The following CABP7 variants were observed in gnomAD, a reference collection of about 807,000 sequenced individuals.
CABP7 encodes the protein calcium binding protein 7, also known as calcium-binding protein 7.
CABP7 carries 13 observed loss-of-function variants against 23.1 expected under a neutral mutation model. That is an observed-to-expected ratio of 0.56 (90% CI 0.37 to 0.90). CABP7 has a LOEUF of 0.90. CABP7 is among the 40% of genes least tolerant of loss of function. CABP7 has a pLI of 0.01. For missense variants in CABP7, 248 were observed against 295.6 expected, an observed-to-expected ratio of 0.84 and a Z score of 1.18; for synonymous variants, 123 against 115.3, an observed-to-expected ratio of 1.07 and a Z score of -0.43.
rs1381032699 is a variant in CABP7, at chr22:29,727,211, A to AAGGATCTAAGG, written c.110-449_110-439dup. Among the ~76,000 whole-genome samples the AAGGATCTAAGG allele has an allele frequency of 2.0e-5, 3 of 151,204 alleles. No homozygotes were observed. Among genetic ancestry groups the AAGGATCTAAGG allele is most frequent in the African/African-American group, 7.3e-5 (3 of 41,208 alleles). On this transcript the variant is annotated intron_variant, in intron 1 of 4. Coordinates refer to ENST00000216144, the MANE Select transcript of CABP7 (RefSeq NM_182527.3). The surrounding 1 kb of genome is among the most constrained non-coding windows in gnomAD (Gnocchi z 4.2). Reference sequence around the variant, plus strand: ...CCATTAGCAAGTGTTGGCCGGTGTTAAGGATCTAAGGATCCGAGCCTGGGG... The same window carrying AAGGATCTAAGG: ...CCATTAGCAAGTGTTGGCCGGTGTTAAGGATCTAAGGAGGATCTAAGGATCCGAGCCTGGGG...
intron 3 of CABP7, 148 bp downstream of exon 3, chr22:29,728,890 G>C (rs1025172723): frequency 4.0e-5 from 42 of 1,056,838 alleles, no homozygotes; most frequent in Non-Finnish European, 4.2e-6. Context: ...AGGGCCATGG[G>C]CTCCCTGGGG....
chr22:29,722,308 A>G (rs2067767310), intron 1 of CABP7, among the ~76,000 whole-genome samples: 2 of 152,218 alleles, frequency 1.3e-5, no homozygotes, highest in South Asian at 4.1e-4. Context: ...TGGGCAGTGC[A>G]GGGGCAAGGC....
At chr22:29,728,889 G>A (rs911934070) in intron 3 of CABP7, 147 bp downstream of exon 3, 2 of 1,054,902 alleles carry the variant, frequency 1.9e-6, no homozygotes, top group East Asian at 2.5e-5. Flanking sequence ...GAGGGCCATG[G>A]GCTCCCTGGG....
intron 1 of CABP7, among the ~76,000 whole-genome samples, chr22:29,725,573 G>A (rs1367412487): frequency 2.0e-5 from 3 of 152,218 alleles, no homozygotes; most frequent in Non-Finnish European, 4.4e-5. Context: ...GCCCATGCAA[G>A]GATGGGGCAA....
At position 29,720,728 on chromosome 22, in the gene CABP7, A is replaced by G. The variant is rs1024006227; in HGVS notation, c.109+195A>G. On this transcript the variant is annotated intron_variant, in intron 1 of 4. Transcript: ENST00000216144. The surrounding 1 kb of genome is among the most constrained non-coding windows in gnomAD (Gnocchi z 5.2). The stretch of plus-strand genomic sequence containing the variant: ...CGGGGCGCCGCGGTGGGGGTCGCTC[A>G]GGCGGAGAGCGGCCCAGCCCCTGCC... Among the ~76,000 whole-genome samples the G allele has an allele frequency of 6.6e-6, 1 of 151,424 alleles. No homozygotes were observed. Among genetic ancestry groups the G allele is most frequent in the Non-Finnish European group, 1.5e-5 (1 of 67,788 alleles).
intron 1 of CABP7, among the ~76,000 whole-genome samples, chr22:29,724,146 C>T (rs140069816): frequency 3.1e-4 from 47 of 152,340 alleles, no homozygotes; most frequent in Non-Finnish European, 3.2e-4. Flanking sequence ...GGCAGGAAAT[C>T]ACGACACCTG....
At chr22:29,728,927 G>T in intron 3 of CABP7, 128 bp from the exon 4 acceptor site, 1 of 1,283,586 alleles carries the variant, frequency 7.8e-7, no homozygotes, top group South Asian at 1.3e-5. Context: ...AGGACTCTCT[G>T]GGGGAATGGA....
At position 29,731,200 on chromosome 22, in the gene CABP7, T is replaced by TG. The variant is rs776032024; in HGVS notation, c.*1636dup. The TG allele has an allele frequency of 1.2e-5, 17 of 1,473,380 alleles. No homozygotes were observed. The East Asian group carries it at 4.1e-4, about 36-fold the overall frequency. The allele number at this position is 1,473,380 out of a possible 1,614,324, so 91.3% of individuals were successfully genotyped here. On this transcript the variant is annotated 3_prime_UTR_variant, in exon 5 of 5. Coordinates refer to ENST00000216144, the MANE Select transcript of CABP7 (RefSeq NM_182527.3). ...GTGACTGATGAGAAAAGTGACCACGTGGGGGTCAGTCGGGGGCAAGGGGCT... is the reference window on the plus strand; with the variant it reads ...GTGACTGATGAGAAAAGTGACCACGTGGGGGGTCAGTCGGGGGCAAGGGGCT...
At chr22:29,723,628 G>A (rs1282498037) in intron 1 of CABP7, among the ~76,000 whole-genome samples, 1 of 152,214 alleles carries the variant, frequency 6.6e-6, no homozygotes, top group African/African-American at 2.4e-5. Context: ...GTCTGTGAGT[G>A]GAGCCTTCAT....
In CABP7 at chr22:29,720,827, C is replaced by G. The variant is rs2147204540; in HGVS notation, c.109+294C>G. Among the ~76,000 whole-genome samples the G allele has an allele frequency of 6.6e-6, 1 of 151,576 alleles. No homozygotes were observed. The highest frequency in any genetic ancestry group is 2.1e-4 in the South Asian group (1 of 4,826). On this transcript the variant is annotated intron_variant, in intron 1 of 4. Transcript: ENST00000216144. The surrounding 1 kb of genome is among the most constrained non-coding windows in gnomAD (Gnocchi z 5.2). Reference sequence around the variant, plus strand: ...CACGGGGCCGCGCAGTCGGCGGTGACGGTGCGGCAACGCGGCGGACTGGGG... The same window carrying G: ...CACGGGGCCGCGCAGTCGGCGGTGAGGGTGCGGCAACGCGGCGGACTGGGG...
chr22:29,721,935 C>G (rs536672038), intron 1 of CABP7, among the ~76,000 whole-genome samples: 1 of 152,026 alleles, frequency 6.6e-6, no homozygotes, highest in South Asian at 2.1e-4. Context: ...CTCCAGAGCC[C>G]GGGGAAAGGA....
At chr22:29,728,024 G>A (rs1209929848) in intron 2 of CABP7, among the ~76,000 whole-genome samples, 3 of 152,214 alleles carry the variant, frequency 2.0e-5, no homozygotes, top group African/African-American at 7.2e-5. Context: ...GCCACATGCA[G>A]GGCTCAGAGA....
chr22:29,720,534 G>T lies in CABP7; in HGVS notation c.109+1G>T. On this transcript the variant is annotated splice_donor_variant, in intron 1 of 4. Transcript: ENST00000216144. LOFTEE classifies it high-confidence loss of function. This position sits in a 1 kb window ranked among gnomAD's most constrained non-coding sequence, Gnocchi z 5.2. ...GACATCCCGGAGGACGAGCTGGAGGGTGAGTGTCCGCCGGGATCCCCGCCC... is the reference window on the plus strand; with the variant it reads ...GACATCCCGGAGGACGAGCTGGAGGTTGAGTGTCCGCCGGGATCCCCGCCC... The T allele has an allele frequency of 1.3e-6, 2 of 1,527,654 alleles. No individual in the cohort carries two copies. Among genetic ancestry groups the T allele is most frequent in the Non-Finnish European group, 8.8e-7 (1 of 1,136,928 alleles). The allele number at this position is 1,527,654 out of a possible 1,614,324, so 94.6% of individuals were successfully genotyped here.
In CABP7 at chr22:29,729,494, C is replaced by T. The variant is rs377460912; in HGVS notation, c.573C>T (p.Cys191=). 1.9e-5 allele frequency: 30 copies of T among 1,612,386 alleles called. No homozygotes were observed. The highest frequency in any genetic ancestry group is 9.3e-5 in the African/African-American group (7 of 75,076). Residue 191 remains cysteine (C), a synonymous_variant, in exon 5 of 5, where the codon TGC becomes TGT. Coordinates refer to ENST00000216144, the MANE Select transcript of CABP7 (RefSeq NM_182527.3). The stretch of plus-strand genomic sequence containing the variant: ...CTTGCGTGCGCAAGAGTCTCATCTG[C>T]GCCTTCGCCATCGCCTTCATCATCA... ...RQTCVRKSLI[C]AFAIAFIISV...
At position 29,729,038 on chromosome 22, in the gene CABP7, T is replaced by C. The variant is rs1212332652; in HGVS notation, c.367-17T>C. On this transcript the variant is annotated splice_polypyrimidine_tract_variant and intron_variant, in intron 3 of 4. Coordinates refer to ENST00000216144, the MANE Select transcript of CABP7 (RefSeq NM_182527.3). ...CTGCGGTGGCTCTCAGAGCACCGTG[T>C]TGTCCCCCTCCGCAAGTGCGACATG... 2 of 1,607,760 alleles carry C rather than the reference T, an allele frequency of 1.2e-6. No individual in the cohort carries two copies. The highest frequency in any genetic ancestry group is 4.5e-5 in the East Asian group (2 of 44,732).
chr22:29,729,862 A>G lies in CABP7; in HGVS notation c.*293A>G. 2.3e-6 allele frequency: 1 copy of G among 427,518 alleles called. No individual in the cohort carries two copies. The allele number at this position is 427,518 out of a possible 1,614,324, so 26.5% of individuals were successfully genotyped here. A position where few individuals can be genotyped will look rare whatever the true frequency, so the allele number is the denominator to read the frequency against. ...ACCATCCAGGGGCTCCTGGGAAATT[A>G]AGGAGGGATTTGCACAGGAACCCCC... is the stretch of plus-strand genomic sequence containing the variant. On this transcript the variant is annotated 3_prime_UTR_variant, in exon 5 of 5. Transcript: ENST00000216144.
At chr22:29,725,281 T>A (rs886608072) in intron 1 of CABP7, among the ~76,000 whole-genome samples, 11 of 152,102 alleles carry the variant, frequency 7.2e-5, no homozygotes, top group African/African-American at 2.4e-4. Flanking sequence ...TCTCGGCTGC[T>A]TGGGGAGTGG....
In CABP7 at chr22:29,731,000, C is replaced by G. The variant is rs1398789956; in HGVS notation, c.*1431C>G. ...TATAAACATTTGGAAGTTTTCTCCC[C>G]CATCTTCTTAAGAAGCAGGGGGGCA... On this transcript the variant is annotated 3_prime_UTR_variant, in exon 5 of 5. Coordinates refer to ENST00000216144, the MANE Select transcript of CABP7 (RefSeq NM_182527.3). 7.4e-5 allele frequency: 31 copies of G among 416,504 alleles called. No individual in the cohort carries two copies. In the East Asian group the frequency reaches 1.2e-3, roughly 15 times the overall value. The allele number at this position is 416,504 out of a possible 1,614,324, so 25.8% of individuals were successfully genotyped here. A position where few individuals can be genotyped will look rare whatever the true frequency, so the allele number is the denominator to read the frequency against.
At chr22:29,725,017 C>A (rs1040817775) in intron 1 of CABP7, among the ~76,000 whole-genome samples, 2 of 152,164 alleles carry the variant, frequency 1.3e-5, no homozygotes, top group Non-Finnish European at 2.9e-5. Context: ...GGGTGGCTCC[C>A]ACTGCATCCC....
Sources: gnomAD v4.1 joint callset for allele counts (sites outside exome capture counted in the v4.1 genomes callset) on GRCh38, gnomAD v4.1.1 for gene constraint, Gnocchi (gnomAD v3.1) non-coding constraint, MANE v1.5 for transcripts, NCBI Gene and HGNC (gene_info 2026-07-23, HGNC 2026-07-21) for gene names.